Variants in MAEA observed in about 807,000 individuals in gnomAD.
MAEA encodes E3 ubiquitin-protein transferase MAEA.
MAEA carries 22 observed loss-of-function variants against 46.2 expected under a neutral mutation model. The ratio of observed to expected loss-of-function variants is 0.48; its 90% CI spans 0.34 to 0.68. MAEA has a LOEUF of 0.68. MAEA is among the 30% of genes least tolerant of loss of function. The pLI, the probability that MAEA is intolerant of heterozygous loss-of-function variation, is 0.01. For synonymous variants in MAEA, 246 were observed against 222.6 expected (o/e 1.11, Z -0.94); for missense variants, 393 against 558.1 (o/e 0.70, Z 2.98).
chr4:1,309,379 A>C, intron 1 of MAEA: 1 of 1,226,980 alleles, frequency 8.2e-7, no homozygotes, highest in Non-Finnish European at 1.0e-6. Flanking sequence ...AGTGGAGGGG[A>C]GCTTTTAGGG....
At chr4:1,316,572 A>T (rs1187355767) in intron 3 of MAEA, among the ~76,000 whole-genome samples, 1 of 151,920 alleles carries the variant, frequency 6.6e-6, no homozygotes, top group African/African-American at 2.4e-5. Flanking sequence ...CTGGCCCCAC[A>T]GGCCTCCCTC....
Position 1,334,767 on chromosome 4 carries a change from G to C in MAEA, c.765+1902G>C, listed in dbSNP as rs1712528014. On this transcript the variant is annotated intron_variant, in intron 6 of 8. Transcript: ENST00000303400. Reference sequence around the variant, plus strand: ...GAAACAGAAGGAAGCATTTTGTTCAGAGAATGGCAGAAGCCACCAGAAGCC... The same window carrying C: ...GAAACAGAAGGAAGCATTTTGTTCACAGAATGGCAGAAGCCACCAGAAGCC... 1.3e-5 allele frequency: 8 copies of C among 604,318 alleles called. 1 individual carries two copies. The highest frequency in any genetic ancestry group is 1.5e-4 in the South Asian group (2 of 13,492). The allele number at this position is 604,318 out of a possible 1,614,324, so 37.4% of individuals were successfully genotyped here. A position where few individuals can be genotyped will look rare whatever the true frequency, so the allele number is the denominator to read the frequency against.
intron 5 of MAEA, among the ~76,000 whole-genome samples, chr4:1,328,265 T>C (rs1739099227): frequency 6.6e-6 from 1 of 152,238 alleles, no homozygotes; most frequent in Non-Finnish European, 1.5e-5. Flanking sequence ...ATGCTGGCTG[T>C]CACTGTGGCT....
intron 1 of MAEA, among the ~76,000 whole-genome samples, chr4:1,310,407 G>A (rs530354909): frequency 4.2e-4 from 64 of 152,356 alleles, no homozygotes; most frequent in Admixed American, 1.8e-3. Context: ...AATCTTGAAG[G>A]CAGGCAGTGT....
intron 8 of MAEA, 47 bp from the exon 9 acceptor site, chr4:1,339,027 T>C (rs1487136916): frequency 7.2e-7 from 1 of 1,392,980 alleles, no homozygotes; most frequent in East Asian, 2.3e-5. Flanking sequence ...AATCCGTGTG[T>C]ACGTTGTAGT....
chr4:1,339,163 C>T lies in MAEA; in HGVS notation c.1185C>T (p.Ile395=). ...FHFSQAEKVY[I]M ...TCTCACAAGCCGAGAAGGTGTACAT[C>T]ATGTAGGCCCCACGTCGTGAAGCGC... Residue 395 remains isoleucine, a synonymous_variant, in exon 9 of 9, where the codon ATC becomes ATT. Transcript: ENST00000303400. The T allele has an allele frequency of 6.2e-7, 1 of 1,613,662 alleles. No homozygotes were observed. The highest frequency in any genetic ancestry group is 1.1e-5 in the South Asian group (1 of 91,076).
intron 1 of MAEA, among the ~76,000 whole-genome samples, chr4:1,303,441 A>G (rs61359788): frequency 0.15 from 22,614 of 150,126 alleles, 3,326 homozygotes; most frequent in East Asian, 0.41. Context: ...ATAGCAGCCA[A>G]AGGTCCATCA....
chr4:1,323,676 C>G, intron 4 of MAEA: 1 of 695,830 alleles, frequency 1.4e-6, no homozygotes, highest in Non-Finnish European at 2.6e-6. Context: ...CGGCACACAC[C>G]TCACAGTGGG....
chr4:1,321,531 A>G lies in MAEA; in HGVS notation c.457-850A>G, dbSNP rs1427497493. ...TGAGGGGTTTCAGAAAAGAGTAATC[A>G]TCAAAGAAAACAGCGCATCTGTGAG... On this transcript the variant is annotated intron_variant, in intron 3 of 8. Coordinates refer to ENST00000303400, the MANE Select transcript of MAEA (RefSeq NM_001017405.3). Among the ~76,000 whole-genome samples, 16 of 152,382 alleles carry G rather than the reference A, an allele frequency of 1.0e-4. No homozygotes were observed. The South Asian group carries it at 2.7e-3, about 26-fold the overall frequency.
At position 1,311,003 on chromosome 4, in the gene MAEA, G is replaced by A. The variant is rs1313503814; in HGVS notation, c.70-976G>A. On this transcript the variant is annotated intron_variant, in intron 1 of 8. Transcript: ENST00000303400. This position sits in a 1 kb window ranked among gnomAD's most constrained non-coding sequence, Gnocchi z 4.4. ...TCACGTGGCCTCACGGCTAAGCACA[G>A]TGGCTGACACGAGGTCGAGGCGTGC... Among the ~76,000 whole-genome samples the A allele has an allele frequency of 6.6e-6, 1 of 152,250 alleles. No homozygotes were observed. The highest frequency in any genetic ancestry group is 1.5e-5 in the Non-Finnish European group (1 of 68,042).
chr4:1,313,466 ACACCTGGAAAG>A (rs1560350329), intron 2 of MAEA, among the ~76,000 whole-genome samples: 1 of 152,192 alleles, frequency 6.6e-6, no homozygotes, highest in Non-Finnish European at 1.5e-5. Flanking sequence ...GCGGTGGCTC[ACACCTGGAAAG>A]CACTGTGGAA....
chr4:1,303,434 G>A (rs916936748), intron 1 of MAEA, among the ~76,000 whole-genome samples: 4 of 148,486 alleles, frequency 2.7e-5, no homozygotes, highest in Non-Finnish European at 4.4e-5. Flanking sequence ...CTTCTCGATA[G>A]CAGCCAAAGG....
At chr4:1,304,675 A>G (rs888630406) in intron 1 of MAEA, among the ~76,000 whole-genome samples, 3 of 152,102 alleles carry the variant, frequency 2.0e-5, no homozygotes, top group Non-Finnish European at 2.9e-5. Flanking sequence ...TCCTGACCTC[A>G]TGATCCACCC....
At chr4:1,327,807 G>A in intron 5 of MAEA, 104 bp downstream of exon 5, 1 of 923,618 alleles carries the variant, frequency 1.1e-6, no homozygotes, top group Non-Finnish European at 1.7e-6. Flanking sequence ...CGTCCCCTGG[G>A]TCGTCCCCTG....
At chr4:1,313,728 A>G (rs1323187092) in intron 2 of MAEA, among the ~76,000 whole-genome samples, 1 of 151,796 alleles carries the variant, frequency 6.6e-6, no homozygotes, top group Non-Finnish European at 1.5e-5. Flanking sequence ...TATCTCAAAA[A>G]AAAGTTTGAA....
chr4:1,316,019 C>G (rs1197828053), intron 3 of MAEA, among the ~76,000 whole-genome samples: 6 of 151,810 alleles, frequency 4.0e-5, no homozygotes, highest in Admixed American at 3.9e-4. Flanking sequence ...AAGTCAGTGT[C>G]TAAGCGGCTC....
At chr4:1,326,643 G>A (rs887619604) in intron 4 of MAEA, among the ~76,000 whole-genome samples, 8 of 150,970 alleles carry the variant, frequency 5.3e-5, no homozygotes, top group Admixed American at 4.6e-4. Flanking sequence ...CCTGCCTCAG[G>A]CATAGTGCCT....
rs1491311001 is a variant in MAEA at position 1,332,590 on chromosome 4, ATC to A, written c.657-165_657-164del. The A allele has an allele frequency of 7.1e-6, 4 of 565,706 alleles. No individual in the cohort carries two copies. In the African/African-American group the frequency reaches 7.6e-5, roughly 11 times the overall value. 35.0% of individuals were successfully genotyped at this position (565,706 alleles called of 1,614,324 possible). ...ACATTAGCTAGGTGTGGTGCTGCAC[ATC>A]TGCGGTCTCAGCTTCTCGGGAAGAT... On this transcript the variant is annotated intron_variant, in intron 5 of 8. Transcript: ENST00000303400.
In MAEA at chr4:1,329,222, TA is replaced by T. The variant is rs1221702748; in HGVS notation, c.656+1520del. ...TGTTACCCCCACTCCGCATAGGGTC[TA>T]TTTGCCTGTGTTACCCTGGCTCCGT... is the stretch of plus-strand genomic sequence containing the variant. On this transcript the variant is annotated intron_variant, in intron 5 of 8. Coordinates refer to ENST00000303400, the MANE Select transcript of MAEA (RefSeq NM_001017405.3). The T allele has an allele frequency of 3.0e-6, 3 of 985,562 alleles. No homozygotes were observed. In the Admixed American group the frequency reaches 1.8e-4, roughly 61 times the overall value. 61.1% of individuals were successfully genotyped at this position (985,562 alleles called of 1,614,324 possible). A position where few individuals can be genotyped will look rare whatever the true frequency, so the allele number is the denominator to read the frequency against.
Sources: gnomAD v4.1 joint callset for allele counts (sites outside exome capture counted in the v4.1 genomes callset) on GRCh38, gnomAD v4.1.1 for gene constraint, Gnocchi (gnomAD v3.1) non-coding constraint, MANE v1.5 for transcripts, NCBI Gene and HGNC (gene_info 2026-07-23, HGNC 2026-07-21) for gene names.